ZFHX3: variants seen among roughly 807,000 people sequenced by gnomAD.
ZFHX3 encodes zinc finger homeobox 3.
In ZFHX3, 42 loss-of-function variants were observed where a neutral mutation model predicts 279.1. The ratio of observed to expected loss-of-function variants is 0.15; its 90% CI spans 0.12 to 0.19. The LOEUF (loss-of-function observed/expected upper bound fraction) is 0.19, where lower values mean the gene tolerates loss of function less well. Ranked by LOEUF, ZFHX3 falls within the 10% of genes least tolerant of loss-of-function variation. The pLI, the probability that ZFHX3 is intolerant of heterozygous loss-of-function variation, is 1.00. For missense variants in ZFHX3, 4,981 were observed against 4,754.0 expected (o/e 1.05, Z -1.40); for synonymous variants, 2,293 against 1,957.8 (o/e 1.17, Z -4.52).
intron 2 of ZFHX3, among the ~76,000 whole-genome samples, chr16:73,594,751 C>T (rs1325552455): frequency 2.2e-4 from 34 of 152,202 alleles, no homozygotes; most frequent in African/African-American, 1.7e-4. Flanking sequence ...GATATTTTAT[C>T]GTGTAGTTCC....
intron 3 of ZFHX3, among the ~76,000 whole-genome samples, chr16:73,411,223 C>T (rs1269359063): frequency 6.6e-6 from 1 of 152,154 alleles, no homozygotes; most frequent in African/African-American, 2.4e-5. Context: ...GAACCTCAGT[C>T]CTTGGCCAAA....
At chr16:73,868,177 A>G (rs944147077) in intron 1 of ZFHX3, among the ~76,000 whole-genome samples, 1 of 152,244 alleles carries the variant, frequency 6.6e-6, no homozygotes, top group African/African-American at 2.4e-5. Context: ...TACAGACAAT[A>G]GAAAACCTGA....
intron 1 of ZFHX3, among the ~76,000 whole-genome samples, chr16:73,836,342 T>C (rs1393185345): frequency 6.6e-6 from 1 of 152,180 alleles, no homozygotes; most frequent in Non-Finnish European, 1.5e-5. Context: ...AGAAAAAAAC[T>C]GAGTATTTAT....
At chr16:72,874,837 T>C (rs74414505) in intron 4 of ZFHX3, among the ~76,000 whole-genome samples, 2,759 of 152,288 alleles carry the variant, frequency 0.018, 70 homozygotes, top group African/African-American at 0.062. Flanking sequence ...CTGTGATCTA[T>C]AGCTGAGTGG....
chr16:73,526,837 T>C (rs2019703791), intron 2 of ZFHX3, among the ~76,000 whole-genome samples: 1 of 151,854 alleles, frequency 6.6e-6, no homozygotes, highest in Non-Finnish European at 1.5e-5. Flanking sequence ...GCAGGGCAAA[T>C]GACCATTCGA....
chr16:72,801,603 T>C (rs570993488), intron 7 of ZFHX3, among the ~76,000 whole-genome samples: 1 of 152,090 alleles, frequency 6.6e-6, no homozygotes, highest in Non-Finnish European at 1.5e-5. Flanking sequence ...GGAGAAGCAT[T>C]CTGAGAAATG....
chr16:73,593,590 GGGAGGGAGGGAA>G (rs948269790), intron 2 of ZFHX3, among the ~76,000 whole-genome samples: 2 of 150,654 alleles, frequency 1.3e-5, no homozygotes. Flanking sequence ...GAGGGAGGGA[GGGAGGGAGGGAA>G]GGAAGGAAGG....
intron 5 of ZFHX3, among the ~76,000 whole-genome samples, chr16:73,216,989 A>G (rs2012234598): frequency 6.6e-6 from 1 of 152,120 alleles, no homozygotes; most frequent in Admixed American, 6.5e-5. Context: ...CTCCCTTAGG[A>G]TTTCAGCCTG....
At chr16:73,796,985 A>G (rs1597119749) in intron 1 of ZFHX3, among the ~76,000 whole-genome samples, 1 of 151,992 alleles carries the variant, frequency 6.6e-6, no homozygotes, top group African/African-American at 2.4e-5. Flanking sequence ...GTGGATCACC[A>G]GAGGTCGGGA....
At chr16:73,720,543 A>G (rs2053464531) in intron 1 of ZFHX3, among the ~76,000 whole-genome samples, 3 of 152,218 alleles carry the variant, frequency 2.0e-5, no homozygotes, top group Admixed American at 1.3e-4. Context: ...AGGAAAATAT[A>G]CTATAATGTT....
intron 3 of ZFHX3, among the ~76,000 whole-genome samples, chr16:73,438,069 C>T (rs371610252): frequency 6.6e-6 from 1 of 151,172 alleles, no homozygotes; most frequent in Non-Finnish European, 1.5e-5. Flanking sequence ...GTTCTGGGAT[C>T]GCTCTAAACC....
intron 5 of ZFHX3, among the ~76,000 whole-genome samples, chr16:72,827,405 C>G (rs2036959970): frequency 6.6e-6 from 1 of 152,164 alleles, no homozygotes; most frequent in African/African-American, 2.4e-5. Context: ...TTCATCTCAT[C>G]TGAGGAAAAT....
intron 3 of ZFHX3, among the ~76,000 whole-genome samples, chr16:73,408,354 A>T (rs1407640202): frequency 1.3e-5 from 2 of 152,192 alleles, no homozygotes; most frequent in Non-Finnish European, 2.9e-5. Flanking sequence ...AGTCCCTGAC[A>T]AGGTCGTGAG....
At chr16:73,200,039 T>A (rs57760649) in intron 5 of ZFHX3, among the ~76,000 whole-genome samples, 1,663 of 152,064 alleles carry the variant, frequency 0.011, 38 homozygotes, top group African/African-American at 0.037. Flanking sequence ...AGGTTCCACA[T>A]GGAAAAAAGA....
intron 7 of ZFHX3, among the ~76,000 whole-genome samples, chr16:73,106,775 T>C (rs1290906304): frequency 3.3e-5 from 5 of 152,178 alleles, no homozygotes; most frequent in Non-Finnish European, 1.5e-5. Flanking sequence ...CAACTATCAA[T>C]TGACAATAAT....
intron 7 of ZFHX3, among the ~76,000 whole-genome samples, chr16:73,102,365 A>G (rs1000795161): frequency 2.0e-5 from 3 of 152,212 alleles, no homozygotes; most frequent in Non-Finnish European, 4.4e-5. Context: ...TGTGAAATAC[A>G]TATCTATGCA....
chr16:72,905,147 T>C (rs540854407), intron 3 of ZFHX3, among the ~76,000 whole-genome samples: 1 of 152,280 alleles, frequency 6.6e-6, no homozygotes, highest in African/African-American at 2.4e-5. Context: ...GCCCTTTCTT[T>C]TGTGTAGATG....
At chr16:72,803,869 C>G (rs143670447) in intron 7 of ZFHX3, among the ~76,000 whole-genome samples, 24 of 152,338 alleles carry the variant, frequency 1.6e-4, no homozygotes, top group African/African-American at 1.4e-4. Context: ...CAAGGTTGGC[C>G]TCTGCCATGC....
At chr16:73,060,211 C>G (rs1163351978), upstream of ZFHX3, 2 of 137,194 alleles carry the variant, frequency 1.5e-5, no homozygotes, top group Non-Finnish European at 3.1e-5. Flanking sequence ...TTACATACCC[C>G]TTCCCTAATG....
Sources: gnomAD v4.1 joint callset for allele counts (sites outside exome capture counted in the v4.1 genomes callset) on GRCh38, gnomAD v4.1.1 for gene constraint, MANE v1.5 for transcripts, NCBI Gene and HGNC (gene_info 2026-07-23, HGNC 2026-07-21) for gene names.